DCC: variants seen among roughly 807,000 people sequenced by gnomAD.
The protein encoded by DCC is netrin receptor DCC.
DCC carries 58 observed loss-of-function variants against 172.5 expected under a neutral mutation model. The ratio of observed to expected loss-of-function variants is 0.34; its 90% CI spans 0.27 to 0.42. The LOEUF (loss-of-function observed/expected upper bound fraction) is 0.42, where lower values mean the gene tolerates loss of function less well. Among genes scored for constraint, DCC ranks in the 10% least tolerant of loss-of-function variants. The pLI is 1.00. For missense variants in DCC, 1,740 were observed against 1,791.0 expected (o/e 0.97, Z 0.51); for synonymous variants, 709 against 644.5 (o/e 1.10, Z -1.52).
chr18:52,848,404 T>C (rs1008607475), intron 2 of DCC, among the ~76,000 whole-genome samples: 1 of 152,164 alleles, frequency 6.6e-6, no homozygotes, highest in Non-Finnish European at 1.5e-5. Context: ...CTAATGTTTT[T>C]GATTTTTACT....
chr18:52,382,765 G>A (rs1331229595), intron 1 of DCC, among the ~76,000 whole-genome samples: 6 of 152,078 alleles, frequency 3.9e-5, no homozygotes, highest in African/African-American at 1.4e-4. Context: ...ACAGGAGACA[G>A]AGTAAATTGA....
At chr18:53,023,297 G>T (rs1459491850) in intron 5 of DCC, among the ~76,000 whole-genome samples, 1 of 140,424 alleles carries the variant, frequency 7.1e-6, no homozygotes, top group Non-Finnish European at 1.5e-5. Context: ...TGTTTCTAAA[G>T]AAATGTTTTC....
intron 1 of DCC, among the ~76,000 whole-genome samples, chr18:52,602,094 A>G (rs2034029157): frequency 6.6e-6 from 1 of 152,096 alleles, no homozygotes. Context: ...TATCCAACAT[A>G]TCTTTCATTC....
chr18:53,415,358 A>G (rs1910248785), intron 20 of DCC, among the ~76,000 whole-genome samples: 1 of 152,184 alleles, frequency 6.6e-6, no homozygotes, highest in African/African-American at 2.4e-5. Flanking sequence ...GGTCAAGTCT[A>G]GGTAAAAATA....
In DCC at chr18:53,339,769, A is replaced by G. The variant is rs1290968641; in HGVS notation, c.2221A>G (p.Ile741Val). Residue 741 changes from isoleucine (I) to valine (V), a missense_variant, in exon 15 of 29, where the codon ATC becomes GTC. By Grantham distance (29) the Ile-to-Val change is conservative (BLOSUM62 3). Transcript: ENST00000442544. ...TCATGTGAGGCCCCAGACTAACTGC[A>G]TCATCATGAGTTGGACTCCTCCCTT... The part of the protein sequence containing the change: ...SLHVRPQTNC[I>V]IMSWTPPLNP... 6.2e-7 allele frequency: 1 copy of G among 1,613,900 alleles called. No homozygotes were observed. The highest frequency in any genetic ancestry group is 1.3e-5 in the African/African-American group (1 of 74,898).
At position 53,292,467 on chromosome 18, in the gene DCC, A is replaced by G. The variant is rs189250493; in HGVS notation, c.1912-13111A>G. ...TTTGGGAGGCCAAGGCGGGCAGATC[A>G]CCTGAGGTCAGAAGTTCAAGACCAG... On this transcript the variant is annotated intron_variant, in intron 12 of 28. Coordinates refer to ENST00000442544, the MANE Select transcript of DCC (RefSeq NM_005215.4). 5.5e-3 allele frequency among the ~76,000 whole-genome samples: 837 copies of G among 152,272 alleles called. 7 individuals are homozygous for G. Among genetic ancestry groups the G allele is most frequent in the Admixed American group, 0.024 (367 of 15,294 alleles).
chr18:52,956,384 T>A (rs2040743654), intron 5 of DCC, among the ~76,000 whole-genome samples: 1 of 152,096 alleles, frequency 6.6e-6, no homozygotes, highest in South Asian at 2.1e-4. Flanking sequence ...ATTAACTATA[T>A]TTGAAAATAG....
At chr18:52,967,949 C>T (rs546933293) in intron 5 of DCC, among the ~76,000 whole-genome samples, 39 of 152,134 alleles carry the variant, frequency 2.6e-4, no homozygotes, top group South Asian at 2.1e-4. Flanking sequence ...AGATTTTAGA[C>T]GCATTAAAAT....
chr18:53,475,645 C>A (rs2045753171), intron 25 of DCC, among the ~76,000 whole-genome samples: 1 of 152,186 alleles, frequency 6.6e-6, no homozygotes, highest in South Asian at 2.1e-4. Context: ...ATGGAAATGC[C>A]TGGATGTCCA....
chr18:52,664,388 G>A (rs1316233448), intron 1 of DCC, among the ~76,000 whole-genome samples: 1 of 151,588 alleles, frequency 6.6e-6, no homozygotes, highest in Non-Finnish European at 1.5e-5. Flanking sequence ...GCAAATCTGG[G>A]AAACGGCATA....
chr18:53,406,218 T>C (rs1032828687), intron 19 of DCC, among the ~76,000 whole-genome samples: 2 of 152,166 alleles, frequency 1.3e-5, no homozygotes, highest in African/African-American at 4.8e-5. Context: ...GATAGCCTAG[T>C]TTAATTTGTC....
intron 22 of DCC, among the ~76,000 whole-genome samples, chr18:53,435,935 T>C (rs1911913124): frequency 6.6e-6 from 1 of 152,230 alleles, no homozygotes; most frequent in Admixed American, 6.5e-5. Flanking sequence ...GGCCATGTTA[T>C]AAGTTTCTTT....
At chr18:53,418,876 T>C (rs576803993) in intron 21 of DCC, among the ~76,000 whole-genome samples, 16 of 152,344 alleles carry the variant, frequency 1.1e-4, no homozygotes, top group African/African-American at 3.8e-4. Context: ...CTGATTTCTT[T>C]ATGTAATTGT....
intron 1 of DCC, among the ~76,000 whole-genome samples, chr18:52,512,930 G>C (rs1291088759): frequency 6.6e-6 from 1 of 152,126 alleles, no homozygotes; most frequent in Non-Finnish European, 1.5e-5. Flanking sequence ...TATTAGGAAG[G>C]ACTGTGTGGC....
chr18:53,187,200 G>A (rs1174444077), intron 9 of DCC, among the ~76,000 whole-genome samples: 2 of 149,952 alleles, frequency 1.3e-5, no homozygotes, highest in African/African-American at 4.9e-5. Context: ...TCAGCTCACT[G>A]CAACCTCCAC....
chr18:53,295,696 G>A (rs1356134062), intron 12 of DCC, among the ~76,000 whole-genome samples: 2 of 152,130 alleles, frequency 1.3e-5, no homozygotes, highest in East Asian at 1.9e-4. Flanking sequence ...TATATCCTCT[G>A]AGTGTTTCCA....
intron 19 of DCC, among the ~76,000 whole-genome samples, chr18:53,406,577 G>A (rs1235812810): frequency 6.6e-6 from 1 of 151,864 alleles, no homozygotes. Context: ...GATAGCAGAT[G>A]CCTGTAATCC....
intron 25 of DCC, among the ~76,000 whole-genome samples, chr18:53,470,762 A>G (rs955178128): frequency 1.3e-5 from 2 of 152,130 alleles, no homozygotes; most frequent in African/African-American, 4.8e-5. Context: ...AGAGCCCCAT[A>G]TAAAACCACC....
At chr18:52,827,909 A>C (rs1027683927) in intron 2 of DCC, among the ~76,000 whole-genome samples, 3 of 151,956 alleles carry the variant, frequency 2.0e-5, no homozygotes, top group Non-Finnish European at 4.4e-5. Context: ...GGACCCTCCA[A>C]CTCAGGTCTG....
Sources: allele counts gnomAD v4.1 joint callset (sites outside exome capture counted in the v4.1 genomes callset), GRCh38; gene constraint gnomAD v4.1.1; transcripts MANE v1.5; gene names NCBI Gene and HGNC (gene_info 2026-07-23, HGNC 2026-07-21).